The following FAM135B variants were observed in gnomAD, a reference collection of about 807,000 sequenced individuals.
FAM135B encodes protein FAM135B.
FAM135B carries 43 observed loss-of-function variants against 127.7 expected under a neutral mutation model. The ratio of observed to expected loss-of-function variants is 0.34; its 90% confidence interval spans 0.26 to 0.43. The LOEUF (loss-of-function observed/expected upper bound fraction) is 0.43. Ranked by LOEUF, FAM135B falls within the 20% of genes least tolerant of loss-of-function variation. The pLI is 1.00. For missense variants in FAM135B, 1,558 were observed against 1,725.6 expected, an observed-to-expected ratio of 0.90 and a Z score of 1.72; for synonymous variants, 670 against 665.1, an observed-to-expected ratio of 1.01 and a Z score of -0.11.
chr8:138,151,376 T>C lies in FAM135B; in HGVS notation c.3099A>G (p.Leu1033=). Residue 1033 remains leucine (L), a synonymous_variant, in exon 13 of 20, where the codon TTA becomes TTG. Transcript: ENST00000395297. ...GACAGGTGGCAGTGCAAGACACAGATAAGTTCACAACCTCCACAGCCTTCA... is the reference window on the plus strand; with the variant it reads ...GACAGGTGGCAGTGCAAGACACAGACAAGTTCACAACCTCCACAGCCTTCA... ...DSLKAVEVVN[L]SVSCTATCLP... is the part of the protein sequence containing the mutation. 6.2e-7 allele frequency: 1 copy of C among 1,613,750 alleles called. No homozygotes were observed. The highest frequency in any genetic ancestry group is 8.5e-7 in the Non-Finnish European group (1 of 1,179,860).
chr8:138,226,855 C>A (rs1359176997), intron 7 of FAM135B, among the ~76,000 whole-genome samples: 1 of 152,192 alleles, frequency 6.6e-6, no homozygotes, highest in Non-Finnish European at 1.5e-5. Flanking sequence ...TGCCACCACA[C>A]CGAGCTAATT....
rs185922242 is a variant in FAM135B at position 138,387,679 on chromosome 8, G to A, written c.-19-19677C>T. Among the ~76,000 whole-genome samples the A allele has an allele frequency of 3.9e-5, 6 of 152,218 alleles. 1 individual carries two copies. The highest frequency in any genetic ancestry group is 6.5e-5 in the Admixed American group (1 of 15,286). ...AGTCCCACTTAATCCTAGACACAGC[G>A]CTGTTATTACCCAATTCCACAGAGG... On this transcript the variant is annotated intron_variant, in intron 1 of 19. Transcript: ENST00000395297.
chr8:138,471,712 A>G (rs1163662432), intron 1 of FAM135B, among the ~76,000 whole-genome samples: 1 of 152,226 alleles, frequency 6.6e-6, no homozygotes, highest in Non-Finnish European at 1.5e-5. Flanking sequence ...ATGGTAATTT[A>G]AACCTTTGAA....
chr8:138,342,074 G>A (rs570091370), intron 2 of FAM135B, among the ~76,000 whole-genome samples: 13 of 152,090 alleles, frequency 8.5e-5, no homozygotes, highest in African/African-American at 3.1e-4. Flanking sequence ...CACCTACTAG[G>A]CGTCAAGCAC....
intron 2 of FAM135B, among the ~76,000 whole-genome samples, chr8:138,329,922 G>C (rs1361436272): frequency 6.6e-6 from 1 of 152,186 alleles, no homozygotes; most frequent in Non-Finnish European, 1.5e-5. Context: ...GGAGAAGGGA[G>C]AGAGTCCCAA....
chr8:138,379,181 C>A (rs1394703977), intron 1 of FAM135B, among the ~76,000 whole-genome samples: 1 of 152,036 alleles, frequency 6.6e-6, no homozygotes, highest in Non-Finnish European at 1.5e-5. Flanking sequence ...TCTCCAAGTT[C>A]TTTTTTTGGA....
rs1302007000 is a variant in FAM135B, at chr8:138,151,980, A to C, written c.2495T>G (p.Ile832Arg). 1 of 1,613,990 alleles carries C rather than the reference A, an allele frequency of 6.2e-7. No individual in the cohort carries two copies. The highest frequency in any genetic ancestry group is 8.5e-7 in the Non-Finnish European group (1 of 1,180,000). Residue 832 changes from isoleucine to arginine, a missense_variant, in exon 13 of 20, where the codon ATA (isoleucine) becomes AGA (arginine). Ile to Arg is a moderately conservative substitution (Grantham distance 97, BLOSUM62 -3). This residue lies in a region of FAM135B where 923 missense variants were observed against 865.3 expected (regional missense o/e 1.07). Transcript: ENST00000395297. ...DAGADHPLVE[I>R]VLDADNQQGP... ...CTGCTGGTTGTCAGCATCTAAAACT[A>C]TCTCCACCAGGGGATGGTCTGCTCC...
intron 1 of FAM135B, among the ~76,000 whole-genome samples, chr8:138,383,806 G>A (rs1027529402): frequency 1.3e-5 from 2 of 152,122 alleles, no homozygotes; most frequent in Admixed American, 1.3e-4. Flanking sequence ...GACCATTGCT[G>A]TATAAACACC....
chr8:138,185,789 T>C (rs1016587337), intron 9 of FAM135B, among the ~76,000 whole-genome samples: 2 of 152,226 alleles, frequency 1.3e-5, no homozygotes, highest in African/African-American at 4.8e-5. Context: ...GCTCTCCAGT[T>C]GATACTCAGC....
intron 7 of FAM135B, among the ~76,000 whole-genome samples, chr8:138,202,412 GC>G (rs1817212198): frequency 6.6e-6 from 1 of 152,034 alleles, no homozygotes; most frequent in Admixed American, 6.6e-5. Flanking sequence ...ATCACACTTG[GC>G]TAATGTTTTA....
chr8:138,161,497 CA>C (rs1198970781), intron 12 of FAM135B, among the ~76,000 whole-genome samples: 2 of 151,296 alleles, frequency 1.3e-5, no homozygotes, highest in East Asian at 1.9e-4. Context: ...ATACACCAAA[CA>C]AAAAAAAGGA....
At chr8:138,426,021 A>G (rs1325574774) in intron 1 of FAM135B, among the ~76,000 whole-genome samples, 5 of 18,014 alleles carry the variant, frequency 2.8e-4, no homozygotes, top group Non-Finnish European at 5.2e-4. Context: ...ATACACACAC[A>G]TACATATACA....
chr8:138,360,262 T>C (rs1830338725), intron 2 of FAM135B, among the ~76,000 whole-genome samples: 1 of 152,186 alleles, frequency 6.6e-6, no homozygotes, highest in Non-Finnish European at 1.5e-5. Context: ...GAAATGCAGG[T>C]TCATGCTCTT....
chr8:138,428,197 A>G (rs1835004386), intron 1 of FAM135B, among the ~76,000 whole-genome samples: 1 of 152,202 alleles, frequency 6.6e-6, no homozygotes, highest in African/African-American at 2.4e-5. Flanking sequence ...AACTATGGGA[A>G]TTGGGCATTG....
chr8:138,221,340 C>T (rs1819009433), intron 7 of FAM135B, among the ~76,000 whole-genome samples: 1 of 152,064 alleles, frequency 6.6e-6, no homozygotes, highest in Admixed American at 6.6e-5. Flanking sequence ...ACCAGATCTC[C>T]TGAGAACTCA....
chr8:138,222,947 G>A (rs1819146448), intron 7 of FAM135B, among the ~76,000 whole-genome samples: 1 of 152,156 alleles, frequency 6.6e-6, no homozygotes, highest in Non-Finnish European at 1.5e-5. Context: ...GAATGGACAA[G>A]GCTTGGCTGT....
At chr8:138,459,679 A>C (rs1056024050) in intron 1 of FAM135B, 5 of 152,200 alleles carry the variant, frequency 3.3e-5, no homozygotes. Context: ...TCAGATCTGG[A>C]CTGAGGTAGG....
intron 1 of FAM135B, among the ~76,000 whole-genome samples, chr8:138,463,485 G>A (rs910220698): frequency 5.3e-5 from 8 of 152,170 alleles, no homozygotes; most frequent in Admixed American, 5.2e-4. Context: ...GAAGCAGGAA[G>A]AGCCTGGAAT....
chr8:138,253,869 A>G (rs1821885529), intron 5 of FAM135B, among the ~76,000 whole-genome samples: 1 of 152,232 alleles, frequency 6.6e-6, no homozygotes, highest in African/African-American at 2.4e-5. Flanking sequence ...GATATGCCAC[A>G]GATGCCTTGT....
Sources: allele counts gnomAD v4.1 joint callset (sites outside exome capture counted in the v4.1 genomes callset), GRCh38; gene constraint gnomAD v4.1.1; regional missense constraint gnomAD v4.1.1; transcripts MANE v1.5; gene names NCBI Gene and HGNC (gene_info 2026-07-23, HGNC 2026-07-21).